Variants in PCLO observed in about 807,000 individuals in gnomAD.
The protein encoded by PCLO is protein piccolo.
A neutral mutation model predicts 427.5 loss-of-function variants in PCLO; 82 were observed. That is an observed-to-expected ratio of 0.19 (90% confidence interval 0.16 to 0.23). The LOEUF (loss-of-function observed/expected upper bound fraction) is 0.23. Ranked by LOEUF, PCLO falls within the 10% of genes least tolerant of loss-of-function variation. PCLO has a pLI of 1.00. For missense variants in PCLO, 6,239 were observed against 6,115.9 expected (o/e 1.02, Z -0.67); for synonymous variants, 2,357 against 2,155.4 (o/e 1.09, Z -2.59).
intron 3 of PCLO, among the ~76,000 whole-genome samples, chr7:83,078,519 C>CATTATTATTATTATT (rs143405758): frequency 0.033 from 4,902 of 150,322 alleles, 292 homozygotes; most frequent in African/African-American, 0.11. Context: ...ATGTTGCTAG[C>CATTATTATTATTATT]ATTATTATTA....
chr7:82,891,476 TG>T (rs1349809027), intron 9 of PCLO, among the ~76,000 whole-genome samples: 1 of 152,098 alleles, frequency 6.6e-6, no homozygotes, highest in Non-Finnish European at 1.5e-5. Context: ...CCATGTCATC[TG>T]CAAAAAGGGA....
At chr7:82,999,047 CT>C (rs1294965670) in intron 3 of PCLO, among the ~76,000 whole-genome samples, 1 of 147,966 alleles carries the variant, frequency 6.8e-6, no homozygotes, top group Non-Finnish European at 1.5e-5. Context: ...TGAAAGATGC[CT>C]TTGATAGGCT....
chr7:82,877,691 G>A (rs930081636), intron 10 of PCLO, among the ~76,000 whole-genome samples: 2 of 152,102 alleles, frequency 1.3e-5, no homozygotes, highest in African/African-American at 4.8e-5. Flanking sequence ...ATGAGACAGA[G>A]TCTCACTCTT....
intron 6 of PCLO, among the ~76,000 whole-genome samples, chr7:82,920,591 CAAAT>C (rs989289493): frequency 2.0e-5 from 3 of 151,732 alleles, no homozygotes; most frequent in Non-Finnish European, 3.0e-5. Flanking sequence ...AGCTAACAAA[CAAAT>C]AACCTTCAGG....
At position 82,827,425 on chromosome 7, in the gene PCLO, G is replaced by A. The variant is rs148548586; in HGVS notation, c.14343+448C>T. ...GCACCACAATGCCAGATTCTTAGGAGGCCTCAATTTAGCAAAGAGATGAGA... is the reference window on the plus strand; with the variant it reads ...GCACCACAATGCCAGATTCTTAGGAAGCCTCAATTTAGCAAAGAGATGAGA... On this transcript the variant is annotated intron_variant, in intron 17 of 24. Coordinates refer to ENST00000333891, the MANE Select transcript of PCLO (RefSeq NM_033026.6). Among the ~76,000 whole-genome samples the A allele has an allele frequency of 2.2e-4, 33 of 152,038 alleles. No homozygotes were observed. In the East Asian group the frequency reaches 6.2e-3, roughly 28 times the overall value.
intron 16 of PCLO, among the ~76,000 whole-genome samples, chr7:82,834,025 C>A (rs1216359350): frequency 6.6e-6 from 1 of 152,068 alleles, no homozygotes; most frequent in Non-Finnish European, 1.5e-5. Context: ...ATAATTCCCT[C>A]TTACATTGAC....
chr7:83,133,578 G>T (rs921843318), intron 3 of PCLO, among the ~76,000 whole-genome samples: 10 of 152,084 alleles, frequency 6.6e-5, no homozygotes, highest in African/African-American at 2.2e-4. Context: ...GTTAGTTATA[G>T]AAATTCATAT....
chr7:83,092,261 G>A (rs1420858380), intron 3 of PCLO, among the ~76,000 whole-genome samples: 2 of 152,240 alleles, frequency 1.3e-5, no homozygotes, highest in Middle Eastern at 3.4e-3. Flanking sequence ...TTAGAGACAT[G>A]ATAGCTTTTC....
intron 3 of PCLO, among the ~76,000 whole-genome samples, chr7:82,983,900 A>G (rs1283838680): frequency 6.6e-6 from 1 of 151,956 alleles, no homozygotes; most frequent in African/African-American, 2.4e-5. Context: ...AATAGGGCTA[A>G]CCTCAAAACA....
At chr7:82,948,292 G>C (rs1469948450) in intron 6 of PCLO, among the ~76,000 whole-genome samples, 1 of 123,474 alleles carries the variant, frequency 8.1e-6, no homozygotes, top group African/African-American at 2.8e-5. Flanking sequence ...ATACTACTTT[G>C]AGAAAAAAAA....
In PCLO at chr7:82,915,057, G is replaced by T. The variant is rs1448524631; in HGVS notation, c.12929C>A (p.Ser4310Tyr). ...AGCTTTCAGTCTTAGGGAAGAGCTA[G>T]AAGAATCCCTTTTAATTGATAAATC... ...GLDLSIKRDS[S>Y]SSSLRLKAQE... Residue 4310 changes from serine (S) to tyrosine (Y), a missense_variant, in exon 7 of 25, where the codon TCT becomes TAT. Ser to Tyr is a moderately radical substitution (Grantham distance 144, BLOSUM62 -2). Transcript: ENST00000333891. 6.2e-7 allele frequency: 1 copy of T among 1,612,506 alleles called. No homozygotes were observed. Among genetic ancestry groups the T allele is most frequent in the Non-Finnish European group, 8.5e-7 (1 of 1,179,290 alleles).
chr7:83,014,465 A>G (rs900731526), intron 3 of PCLO, among the ~76,000 whole-genome samples: 7 of 152,338 alleles, frequency 4.6e-5, no homozygotes, highest in African/African-American at 1.7e-4. Flanking sequence ...AAATCAATGC[A>G]TAATGGATCA....
chr7:82,937,485 C>G (rs995357404), intron 6 of PCLO, among the ~76,000 whole-genome samples: 1 of 151,628 alleles, frequency 6.6e-6, no homozygotes, highest in Non-Finnish European at 1.5e-5. Context: ...TTTCCCTGAA[C>G]TATTCAAAAT....
At chr7:82,809,978 C>G (rs1791535370) in intron 20 of PCLO, among the ~76,000 whole-genome samples, 1 of 151,364 alleles carries the variant, frequency 6.6e-6, no homozygotes, top group Non-Finnish European at 1.5e-5. Flanking sequence ...TTCATAATCA[C>G]AAATATTACA....
rs1383280635 is a variant in PCLO at position 82,794,462 on chromosome 7, T to G, written c.15007+7056A>C. On this transcript the variant is annotated intron_variant, in intron 22 of 24. Coordinates refer to ENST00000333891, the MANE Select transcript of PCLO (RefSeq NM_033026.6). ...TGCTAGTTCATAAATTTTTTTTCTT[T>G]TTTTTTTTTTTTTTTTTTTTTTTTT... Among the ~76,000 whole-genome samples, 411 of 54,954 alleles carry G rather than the reference T, an allele frequency of 7.5e-3. 31 individuals are homozygous for G. The highest frequency in any genetic ancestry group is 0.061 in the African/African-American group (373 of 6,146). The allele number at this position is 54,954 out of a possible 152,430, so 36.1% of individuals were successfully genotyped here. A position where few individuals can be genotyped will look rare whatever the true frequency, so the allele number is the denominator to read the frequency against.
At chr7:82,940,755 CTTTTTTTTTTT>C (rs71531190) in intron 6 of PCLO, among the ~76,000 whole-genome samples, 2 of 109,138 alleles carry the variant, frequency 1.8e-5, no homozygotes, top group Non-Finnish European at 3.6e-5. Flanking sequence ...TTTTTTCTTT[CTTTTTTTTTTT>C]TTTTTTTTTT....
rs566078183 is a variant in PCLO, at chr7:83,123,243, C to A, written c.3300+11007G>T. ...AAATTATACTACAGTGCTGTAGTAA[C>A]CAAAACAGCATGGCACTGGCATAAA... is the stretch of plus-strand genomic sequence containing the variant. On this transcript the variant is annotated intron_variant, in intron 3 of 24. Coordinates refer to ENST00000333891, the MANE Select transcript of PCLO (RefSeq NM_033026.6). Among the ~76,000 whole-genome samples the A allele has an allele frequency of 7.1e-4, 108 of 152,202 alleles. 2 individuals carry two copies. The South Asian group carries it at 0.022, about 30-fold the overall frequency.
chr7:82,800,948 A>G (rs1345712806), intron 22 of PCLO, among the ~76,000 whole-genome samples: 1 of 151,012 alleles, frequency 6.6e-6, no homozygotes, highest in Non-Finnish European at 1.5e-5. Flanking sequence ...GCTTATAGAT[A>G]CTCCTTTTAT....
chr7:82,851,963 T>G (rs1044313671), intron 10 of PCLO, among the ~76,000 whole-genome samples: 8 of 152,068 alleles, frequency 5.3e-5, no homozygotes, highest in African/African-American at 1.7e-4. Flanking sequence ...TTATATATTT[T>G]TCATATTTTA....
Sources: allele counts gnomAD v4.1 joint callset (sites outside exome capture counted in the v4.1 genomes callset), GRCh38; gene constraint gnomAD v4.1.1; transcripts MANE v1.5; gene names NCBI Gene and HGNC (gene_info 2026-07-23, HGNC 2026-07-21).